The following DYM variants were observed in gnomAD, a reference collection of about 807,000 sequenced individuals.
DYM encodes the protein dyggve-Melchior-Clausen syndrome protein.
DYM carries 78 observed loss-of-function variants against 93.1 expected under a neutral mutation model. The observed-to-expected ratio is 0.84, with a 90% CI of 0.70 to 1.01. The LOEUF (loss-of-function observed/expected upper bound fraction) is 1.01, where lower values mean the gene tolerates loss of function less well. Ranked by LOEUF, DYM falls within the 50% of genes least tolerant of loss-of-function variation. The pLI is 0.00. For missense variants in DYM, 789 were observed against 845.0 expected (o/e 0.93, Z 0.82); for synonymous variants, 321 against 319.7 (o/e 1.00, Z -0.04).
intron 1 of DYM, 36 bp from the exon 2 acceptor site, chr18:49,430,483 C>T: frequency 6.7e-7 from 1 of 1,486,536 alleles, no homozygotes; most frequent in Non-Finnish European, 9.2e-7. Context: ...TAAACTTGTT[C>T]AAAAGTCATC....
At chr18:49,344,454 A>G (rs2064413858) in intron 6 of DYM, among the ~76,000 whole-genome samples, 2 of 152,178 alleles carry the variant, frequency 1.3e-5, no homozygotes, top group South Asian at 4.1e-4. Flanking sequence ...TCACATGTCA[A>G]CACACCACTT....
At position 49,442,875 on chromosome 18, in the gene DYM, TC is replaced by T. The variant is rs1270923256; in HGVS notation, c.-53-12429del. Among the ~76,000 whole-genome samples, 10 of 151,938 alleles carry T rather than the reference TC, an allele frequency of 6.6e-5. No individual in the cohort carries two copies. The East Asian group carries it at 1.9e-3, about 29-fold the overall frequency. On this transcript the variant is annotated intron_variant, in intron 1 of 17. Transcript: ENST00000675505. ...ATGATTCCTACTTTTTTTTTTTTTT[TC>T]AGACAGGGTCTTGCTCTGTCACCCA...
intron 2 of DYM, 90 bp downstream of exon 2, chr18:49,430,164 CA>C (rs2074673961): frequency 8.3e-6 from 10 of 1,203,784 alleles, no homozygotes; most frequent in Non-Finnish European, 9.8e-6. Flanking sequence ...GATAGATAGA[CA>C]GAACATTTCT....
chr18:49,317,611 C>CT (rs2062076644), intron 8 of DYM, among the ~76,000 whole-genome samples: 3 of 36,954 alleles, frequency 8.1e-5, no homozygotes, highest in South Asian at 1.8e-3. Context: ...CCTCCCCCCT[C>CT]CCTCCCTCCC....
At chr18:49,096,251 T>A (rs1002266769) in intron 17 of DYM, among the ~76,000 whole-genome samples, 3 of 152,228 alleles carry the variant, frequency 2.0e-5, no homozygotes, top group African/African-American at 7.2e-5. Flanking sequence ...TTTGCCATCT[T>A]TGCACAGTAC....
At chr18:49,252,858 T>G (rs991976330) in intron 13 of DYM, among the ~76,000 whole-genome samples, 1 of 152,224 alleles carries the variant, frequency 6.6e-6, no homozygotes, top group Admixed American at 6.5e-5. Context: ...TTTATAAATG[T>G]CTTGAAATTC....
At chr18:49,162,812 A>G (rs1413602378) in intron 15 of DYM, among the ~76,000 whole-genome samples, 1 of 152,212 alleles carries the variant, frequency 6.6e-6, no homozygotes, top group African/African-American at 2.4e-5. Context: ...AGACAGCTAA[A>G]GGCACTGCAC....
At chr18:49,172,201 T>C (rs1032250999) in intron 14 of DYM, among the ~76,000 whole-genome samples, 2 of 152,252 alleles carry the variant, frequency 1.3e-5, no homozygotes, top group African/African-American at 2.4e-5. Flanking sequence ...GTTTTGTATA[T>C]CAGTAATTCA....
intron 13 of DYM, among the ~76,000 whole-genome samples, chr18:49,214,561 A>G (rs911269377): frequency 1.4e-5 from 2 of 138,122 alleles, no homozygotes; most frequent in African/African-American, 5.2e-5. Flanking sequence ...ATCAATGAGT[A>G]AAAAAAAAAA....
At chr18:49,445,652 AG>A (rs1365124714) in intron 1 of DYM, among the ~76,000 whole-genome samples, 1 of 152,204 alleles carries the variant, frequency 6.6e-6, no homozygotes. Flanking sequence ...TACACTGTCA[AG>A]TCAGGCATGG....
Position 49,163,717 on chromosome 18 carries a change from G to A in DYM, c.1696C>T (p.Leu566=). 6.2e-7 allele frequency: 1 copy of A among 1,612,598 alleles called. No individual in the cohort carries two copies. Among genetic ancestry groups the A allele is most frequent in the Non-Finnish European group, 8.5e-7 (1 of 1,179,118 alleles). Residue 566 remains leucine (L), a synonymous_variant, in exon 15 of 18, where the codon CTG becomes TTG. Transcript: ENST00000675505. ...GGTAGAGGAACATCATTAGAACTCA[G>A]CGAACCTCTCAAGGACTGTGTGGCT... is the stretch of plus-strand genomic sequence containing the variant. The part of the protein sequence containing the change: ...EQATQSLRGS[L]SSNDVPLPDY...
chr18:49,403,961 G>C (rs1339301460), intron 2 of DYM, among the ~76,000 whole-genome samples: 1 of 151,796 alleles, frequency 6.6e-6, no homozygotes, highest in Non-Finnish European at 1.5e-5. Context: ...CATATATATA[G>C]CACATTTTAT....
intron 8 of DYM, among the ~76,000 whole-genome samples, chr18:49,318,491 G>A (rs938644555): frequency 4.6e-5 from 7 of 151,926 alleles, no homozygotes; most frequent in Non-Finnish European, 7.4e-5. Context: ...GCATGGTGGC[G>A]TGTGCCTGTA....
At chr18:49,190,802 C>T (rs1290757468) in intron 14 of DYM, among the ~76,000 whole-genome samples, 4 of 152,154 alleles carry the variant, frequency 2.6e-5, no homozygotes, top group African/African-American at 4.8e-5. Flanking sequence ...CCTCCCTCCT[C>T]GGCCTATTCA....
At chr18:49,228,109 A>G (rs2093591746) in intron 13 of DYM, among the ~76,000 whole-genome samples, 1 of 152,130 alleles carries the variant, frequency 6.6e-6, no homozygotes. Flanking sequence ...GCAGATGTTG[A>G]GTTTTTATTT....
rs565008303 is a variant in DYM at position 49,389,987 on chromosome 18, T to C, written c.193+1606A>G. ...CACTAATATTGTTACATAAAACTCC[T>C]TAATTTTCAGCACTGAATTGCGACA... On this transcript the variant is annotated intron_variant, in intron 3 of 17. Transcript: ENST00000675505. Among the ~76,000 whole-genome samples the C allele has an allele frequency of 2.0e-5, 3 of 152,364 alleles. No homozygotes were observed. In the South Asian group the frequency reaches 6.2e-4, roughly 32 times the overall value.
At chr18:49,393,978 G>A (rs2069719262) in intron 2 of DYM, among the ~76,000 whole-genome samples, 1 of 152,054 alleles carries the variant, frequency 6.6e-6, no homozygotes, top group South Asian at 2.1e-4. Flanking sequence ...CAGGGGCTGG[G>A]GATGGGAGAA....
At chr18:49,451,467 C>T (rs1228647015) in intron 1 of DYM, among the ~76,000 whole-genome samples, 1 of 152,188 alleles carries the variant, frequency 6.6e-6, no homozygotes, top group African/African-American at 2.4e-5. Flanking sequence ...AACCTTTGGT[C>T]AGTAAAGAAT....
At chr18:49,310,996 TTAAG>T (rs1568223272) in intron 8 of DYM, among the ~76,000 whole-genome samples, 6 of 152,194 alleles carry the variant, frequency 3.9e-5, no homozygotes, top group African/African-American at 1.4e-4. Context: ...AAATGATGAA[TTAAG>T]TATTTTGCAT....
Sources: allele counts gnomAD v4.1 joint callset (sites outside exome capture counted in the v4.1 genomes callset), GRCh38; gene constraint gnomAD v4.1.1; transcripts MANE v1.5; gene names NCBI Gene and HGNC (gene_info 2026-07-23, HGNC 2026-07-21).